The following KMO variants were observed in gnomAD, a reference collection of about 807,000 sequenced individuals.
KMO encodes kynurenine 3-hydroxylase.
Under a neutral mutation model 57.8 loss-of-function variants are expected in KMO, and 24 were observed. The ratio of observed to expected loss-of-function variants is 0.42; its 90% CI spans 0.30 to 0.58. KMO has a LOEUF of 0.58. Among genes scored for constraint, KMO ranks in the 20% least tolerant of loss-of-function variants. KMO has a pLI of 0.22. For synonymous variants in KMO, 210 were observed against 193.6 expected (o/e 1.08, Z -0.70); for missense variants, 483 against 588.2 (o/e 0.82, Z 1.85).
chr1:241,594,311 T>C lies in KMO; in HGVS notation c.*2158T>C. ...CATATGGGCAATTCGGATTTCCTGC[T>C]GGACCACAAGGTTCTGTTGATATTA... On this transcript the variant is annotated 3_prime_UTR_variant, in exon 15 of 15. Coordinates refer to ENST00000366559, the MANE Select transcript of KMO (RefSeq NM_003679.5). 8.5e-7 allele frequency: 1 copy of C among 1,176,836 alleles called. No individual in the cohort carries two copies. Among genetic ancestry groups the C allele is most frequent in the East Asian group, 2.4e-5 (1 of 42,284 alleles). The allele number at this position is 1,176,836 out of a possible 1,614,324, so 72.9% of individuals were successfully genotyped here.
At chr1:241,575,923 T>C (rs1018451524) in intron 10 of KMO, among the ~76,000 whole-genome samples, 2 of 152,016 alleles carry the variant, frequency 1.3e-5, no homozygotes, top group Non-Finnish European at 2.9e-5. Flanking sequence ...CTAATTGTTT[T>C]ATAAATTTAA....
chr1:241,583,805 A>G (rs938280507), intron 10 of KMO, among the ~76,000 whole-genome samples: 2 of 152,088 alleles, frequency 1.3e-5, no homozygotes, highest in African/African-American at 2.4e-5. Context: ...GGCTGACCAT[A>G]TAGTATTCTG....
chr1:241,533,784 G>A (rs4659609), intron 1 of KMO, among the ~76,000 whole-genome samples: 9,570 of 152,288 alleles, frequency 0.063, 463 homozygotes, highest in East Asian at 0.14. Context: ...AAACAGGGTA[G>A]TGCTGTAGAG....
rs772149974 is a variant in KMO, at chr1:241,594,603, A to G, written c.*2450A>G. On this transcript the variant is annotated 3_prime_UTR_variant, in exon 15 of 15. Transcript: ENST00000366559. ...TGACATCACAATGGGTCTGATCTGC[A>G]TTTCACTTCCAGCTGCTGGTAGGTC... 2 of 1,614,066 alleles carry G rather than the reference A, an allele frequency of 1.2e-6. No homozygotes were observed. The highest frequency in any genetic ancestry group is 8.5e-7 in the Non-Finnish European group (1 of 1,179,994).
At chr1:241,545,561 G>A (rs149978119) in intron 1 of KMO, among the ~76,000 whole-genome samples, 341 of 152,170 alleles carry the variant, frequency 2.2e-3, no homozygotes, top group African/African-American at 7.8e-3. Context: ...TTTTTATAAA[G>A]ACACAAGTCA....
intron 10 of KMO, among the ~76,000 whole-genome samples, chr1:241,569,738 G>T (rs191596842): frequency 6.6e-6 from 1 of 152,016 alleles, no homozygotes; most frequent in Non-Finnish European, 1.5e-5. Flanking sequence ...CCTCCATGCT[G>T]TTTTCCATAG....
intron 1 of KMO, among the ~76,000 whole-genome samples, chr1:241,534,946 T>G (rs1037086267): frequency 1.3e-5 from 2 of 151,968 alleles, no homozygotes; most frequent in Non-Finnish European, 2.9e-5. Context: ...TCTACCAGTA[T>G]CGGAAATTAC....
At chr1:241,555,182 A>G (rs1661567519) in intron 4 of KMO, among the ~76,000 whole-genome samples, 1 of 152,124 alleles carries the variant, frequency 6.6e-6, no homozygotes, top group African/African-American at 2.4e-5. Flanking sequence ...CACTTTTTAC[A>G]TTGAAATGAA....
rs74150323 is a variant in KMO, at chr1:241,579,747, G to A, written c.958-6932G>A. On this transcript the variant is annotated intron_variant, in intron 10 of 14. Transcript: ENST00000366559. ...TCCAGGGCACCCAGCTTCTGCACTC[G>A]TGGCTGTAGCACACTTCCCATTCAC... Among the ~76,000 whole-genome samples, 1,060 of 152,176 alleles carry A rather than the reference G, an allele frequency of 7.0e-3. 4 individuals are homozygous for A. Among genetic ancestry groups the A allele is most frequent in the African/African-American group, 0.016 (672 of 41,524 alleles).
At chr1:241,561,382 C>T (rs1661829884) in intron 6 of KMO, among the ~76,000 whole-genome samples, 1 of 152,170 alleles carries the variant, frequency 6.6e-6, no homozygotes, top group African/African-American at 2.4e-5. Context: ...AGAACTAATG[C>T]CTGAATAATT....
intron 2 of KMO, among the ~76,000 whole-genome samples, chr1:241,549,248 A>ATCG (rs1558414849): frequency 1.2e-4 from 3 of 24,154 alleles, no homozygotes; most frequent in African/African-American, 3.0e-4. Context: ...AAAGAAAGAA[A>ATCG]GAAAGAAAGA....
At chr1:241,549,951 C>T (rs1661336433) in intron 3 of KMO, 177 bp downstream of exon 3, 4 of 537,726 alleles carry the variant, frequency 7.4e-6, no homozygotes, top group African/African-American at 2.0e-5. Flanking sequence ...ATTGGACACT[C>T]GAGGCACCCG....
At chr1:241,590,152 T>C in intron 13 of KMO, 39 bp downstream of exon 13, 1 of 1,609,208 alleles carries the variant, frequency 6.2e-7, no homozygotes, top group Non-Finnish European at 8.5e-7. Context: ...ATTTTGATTT[T>C]CTGTTTAGCT....
intron 4 of KMO, among the ~76,000 whole-genome samples, chr1:241,555,358 A>C (rs959192386): frequency 6.6e-6 from 1 of 152,224 alleles, no homozygotes; most frequent in Non-Finnish European, 1.5e-5. Context: ...TTTAGCTACA[A>C]GAGAAGGATT....
rs151006434 is a variant in KMO at position 241,562,212 on chromosome 1, A to T, written c.495A>T (p.Gly165=). The change falls in exon 7 of 15, where the codon GGA becomes GGT. Residue 165 remains glycine, a synonymous_variant. Coordinates refer to ENST00000366559, the MANE Select transcript of KMO (RefSeq NM_003679.5). ...ATGTCACTTGTGACCTCATTGTAGGATGTGATGGAGCCTATTCAACTGTCA... is the reference window on the plus strand; with the variant it reads ...ATGTCACTTGTGACCTCATTGTAGGTTGTGATGGAGCCTATTCAACTGTCA... ...PKDVTCDLIV[G]CDGAYSTVRS... 5.9e-4 allele frequency: 956 copies of T among 1,614,138 alleles called. 3 individuals carry two copies. The Middle Eastern group carries it at 8.3e-3, about 14-fold the overall frequency.
At chr1:241,532,866 A>G (rs1479853068) in intron 1 of KMO, among the ~76,000 whole-genome samples, 28 of 152,236 alleles carry the variant, frequency 1.8e-4, no homozygotes, top group Non-Finnish European at 1.5e-5. Context: ...CATTTTAATA[A>G]AAACATTTGT....
chr1:241,536,380 CT>C (rs1660750969), intron 1 of KMO: 1 of 287,504 alleles, frequency 3.5e-6, no homozygotes, highest in African/African-American at 2.3e-5. Context: ...CAAAGGCCAT[CT>C]AAGCTAAACA....
At chr1:241,538,964 C>T (rs530989160) in intron 1 of KMO, among the ~76,000 whole-genome samples, 11 of 152,298 alleles carry the variant, frequency 7.2e-5, no homozygotes, top group South Asian at 4.1e-4. Flanking sequence ...CTCATGCATT[C>T]GTCTAGTCCT....
At chr1:241,569,241 T>G (rs975034893) in intron 10 of KMO, among the ~76,000 whole-genome samples, 1 of 152,120 alleles carries the variant, frequency 6.6e-6, no homozygotes, top group African/African-American at 2.4e-5. Context: ...TTCACCCTAT[T>G]GTGATGCCAA....
Sources: allele counts gnomAD v4.1 joint callset (sites outside exome capture counted in the v4.1 genomes callset), GRCh38; gene constraint gnomAD v4.1.1; transcripts MANE v1.5; gene names NCBI Gene and HGNC (gene_info 2026-07-23, HGNC 2026-07-21).